The following RUFY4 variants were observed in gnomAD, a reference collection of about 807,000 sequenced individuals.
The protein encoded by RUFY4 is RUN and FYVE domain containing 4.
Under a neutral mutation model 69.0 loss-of-function variants are expected in RUFY4, and 73 were observed. The observed-to-expected ratio is 1.06, with a 90% confidence interval of 0.88 to 1.29. The LOEUF is 1.29. Among genes scored for constraint, RUFY4 ranks in the 50% most tolerant of loss-of-function variants. RUFY4 has a pLI of 0.00. For synonymous variants in RUFY4, 287 were observed against 271.8 expected, an observed-to-expected ratio of 1.06 and a Z score of -0.55; for missense variants, 770 against 705.6, an observed-to-expected ratio of 1.09 and a Z score of -1.03.
At chr2:218,090,291 T>G (rs1028602526) in exon 11 of RUFY4, 1 of 348,346 alleles carries the variant, frequency 2.9e-6, no homozygotes, top group African/African-American at 2.1e-5. Flanking sequence ...TCAGGGCTTC[T>G]TCTCTAATGT....
rs371862564 is a variant in RUFY4, at chr2:218,052,531, G to A, written c.-1157-6064G>A. ...CCAAATAGGCTTCCCATAAAGACAAGCAGTTATACTGCAGGAGGCTTTTCT... is the reference window on the plus strand; with the variant it reads ...CCAAATAGGCTTCCCATAAAGACAAACAGTTATACTGCAGGAGGCTTTTCT... On this transcript the variant is annotated intron_variant and NMD_transcript_variant, in intron 2 of 13. Transcript: ENST00000457754. 1.6e-4 allele frequency among the ~76,000 whole-genome samples: 25 copies of A among 152,226 alleles called. No homozygotes were observed. In the East Asian group the frequency reaches 3.9e-3, roughly 23 times the overall value.
intron 8 of RUFY4, among the ~76,000 whole-genome samples, chr2:218,076,813 T>A (rs1190774162): frequency 6.6e-6 from 1 of 152,082 alleles, no homozygotes; most frequent in Non-Finnish European, 1.5e-5. Context: ...CACCCCTGCC[T>A]CCCTCTGCTG....
At chr2:218,062,323 G>A (rs770423857) in intron 3 of RUFY4, among the ~76,000 whole-genome samples, 10 of 150,704 alleles carry the variant, frequency 6.6e-5, no homozygotes, top group African/African-American at 1.5e-4. Flanking sequence ...GGAGAATGGC[G>A]TGAACCCAGG....
At chr2:218,072,185 A>G (rs763024047) in intron 2 of RUFY4, among the ~76,000 whole-genome samples, 189 bp from the exon 5 acceptor site, 4 of 152,228 alleles carry the variant, frequency 2.6e-5, no homozygotes, top group Admixed American at 6.5e-5. Flanking sequence ...GAATAAGAAC[A>G]CTGAGGCTCA....
intron 3 of RUFY4, among the ~76,000 whole-genome samples, chr2:218,061,674 G>T (rs913613136): frequency 6.6e-6 from 1 of 152,164 alleles, no homozygotes; most frequent in African/African-American, 2.4e-5. Flanking sequence ...ACATATTCTT[G>T]CATTTCCCAT....
chr2:218,054,542 G>A (rs1426474262), intron 2 of RUFY4, among the ~76,000 whole-genome samples: 2 of 137,398 alleles, frequency 1.5e-5, no homozygotes, highest in East Asian at 4.3e-4. Context: ...GCGACAGAGT[G>A]AGACTCTGTC....
At chr2:218,072,733 CT>C in intron 3 of RUFY4, 45 bp from the exon 6 acceptor site, 1 of 1,428,226 alleles carries the variant, frequency 7.0e-7, no homozygotes, top group Non-Finnish European at 9.3e-7. Flanking sequence ...CCTGGGCGCC[CT>C]TTGTCCTAAT....
intron 2 of RUFY4, among the ~76,000 whole-genome samples, chr2:218,037,093 C>A (rs369926937): frequency 3.9e-5 from 6 of 151,920 alleles, no homozygotes; most frequent in African/African-American, 1.5e-4. Flanking sequence ...CTGAGGCGGG[C>A]GGATCACTTG....
upstream of RUFY4, among the ~76,000 whole-genome samples, chr2:218,064,881 C>A (rs1173678806): frequency 6.6e-6 from 1 of 151,702 alleles, no homozygotes; most frequent in Non-Finnish European, 1.5e-5. Context: ...CTAACCCCAT[C>A]CCCTCCCCTG....
chr2:218,087,977 A>T (rs930330040), intron 9 of RUFY4, among the ~76,000 whole-genome samples: 3 of 152,220 alleles, frequency 2.0e-5, no homozygotes, highest in African/African-American at 7.2e-5. Context: ...AATGTTCTCT[A>T]TTGGTAAACA....
At chr2:218,070,882 C>A (rs750224918) in intron 2 of RUFY4, 23 bp downstream of exon 4, 105 of 1,507,760 alleles carry the variant, frequency 7.0e-5, no homozygotes, top group Non-Finnish European at 9.3e-5. Context: ...CCTCCCCTTC[C>A]CCATCCCTCT....
At chr2:218,067,431 G>C (rs112348313), upstream of RUFY4, among the ~76,000 whole-genome samples, 18 of 152,372 alleles carry the variant, frequency 1.2e-4, no homozygotes, top group African/African-American at 3.1e-4. Flanking sequence ...TCAGCACCCA[G>C]TAGATGTTTA....
At chr2:218,071,491 C>T (rs1158530371) in intron 2 of RUFY4, among the ~76,000 whole-genome samples, 2 of 152,002 alleles carry the variant, frequency 1.3e-5, no homozygotes, top group Admixed American at 6.6e-5. Flanking sequence ...TTTCTCAGCT[C>T]CTTCAAGCAG....
chr2:218,066,128 A>AGAT (rs79735977), upstream of RUFY4, among the ~76,000 whole-genome samples: 36,422 of 147,128 alleles, frequency 0.25, 5,584 homozygotes, highest in East Asian at 0.39. Context: ...ATGGTTGCTG[A>AGAT]GATGATGATG....
chr2:218,089,982 C>T lies in RUFY4; in HGVS notation c.1644C>T (p.Cys548=), dbSNP rs368084035. 432 of 1,568,236 alleles carry T rather than the reference C, an allele frequency of 2.8e-4. No homozygotes were observed. In the African/African-American group the frequency reaches 5.0e-3, roughly 18 times the overall value. ...GTGGAGGCCTGCTCTGCCATGCTTG[C>T]TCCATGGATTACAAGAAGAGAGACC... is the stretch of plus-strand genomic sequence containing the variant. Residue 548 remains cysteine (C), a synonymous_variant, in exon 11 of 11, where the codon TGC becomes TGT. Coordinates refer to ENST00000344321, the Ensembl canonical transcript of RUFY4.
intron 3 of RUFY4, chr2:218,060,748 G>A (rs774095075): frequency 9.0e-5 from 132 of 1,474,814 alleles, no homozygotes; most frequent in East Asian, 2.9e-4. Flanking sequence ...CAGCATGATC[G>A]CAGCGGCACG....
At chr2:218,060,179 G>T (rs1327999361) in intron 3 of RUFY4, 3 of 593,890 alleles carry the variant, frequency 5.1e-6, no homozygotes, top group Non-Finnish European at 8.6e-6. Context: ...TCTAAATCAT[G>T]CAAGGGAAAC....
At chr2:218,086,194 A>G (rs1574519753) in intron 9 of RUFY4, among the ~76,000 whole-genome samples, 1 of 152,236 alleles carries the variant, frequency 6.6e-6, no homozygotes, top group African/African-American at 2.4e-5. Context: ...GATGGGAGTC[A>G]GGAGAGAAAT....
intron 8 of RUFY4, 61 bp downstream of exon 10, chr2:218,076,594 T>C: frequency 6.5e-7 from 1 of 1,536,162 alleles, no homozygotes; most frequent in South Asian, 1.2e-5. Flanking sequence ...CTGCTGTCAA[T>C]CACGGTCAAG....
Sources: gnomAD v4.1 joint callset for allele counts (sites outside exome capture counted in the v4.1 genomes callset) on GRCh38, gnomAD v4.1.1 for gene constraint, MANE v1.5 for transcripts, NCBI Gene and HGNC (gene_info 2026-07-23, HGNC 2026-07-21) for gene names.